The following DLGAP1 variants were observed in gnomAD, a reference collection of about 807,000 sequenced individuals.
DLGAP1 encodes DLG associated protein 1, also known as disks large-associated protein 1.
Under a neutral mutation model 90.8 loss-of-function variants are expected in DLGAP1, and 11 were observed. The ratio of observed to expected loss-of-function variants is 0.12; its 90% CI spans 0.08 to 0.20. The LOEUF is 0.20. DLGAP1 is among the 10% of genes least tolerant of loss of function. The pLI, the probability that DLGAP1 is intolerant of heterozygous loss-of-function variation, is 1.00. For synonymous variants in DLGAP1, 558 were observed against 540.7 expected, an observed-to-expected ratio of 1.03 and a Z score of -0.44; for missense variants, 1,050 against 1,333.8, an observed-to-expected ratio of 0.79 and a Z score of 3.31.
chr18:4,379,704 T>C (rs1376223192), intron 1 of DLGAP1, among the ~76,000 whole-genome samples: 1 of 152,162 alleles, frequency 6.6e-6, no homozygotes, highest in Non-Finnish European at 1.5e-5. Context: ...ATTTCTTCAA[T>C]AGTTTCTATA....
At chr18:3,762,985 G>A (rs1214236607) in intron 5 of DLGAP1, among the ~76,000 whole-genome samples, 4 of 152,182 alleles carry the variant, frequency 2.6e-5, no homozygotes, top group Non-Finnish European at 4.4e-5. Flanking sequence ...GATGCAGCCT[G>A]GGAAAGCTTT....
chr18:3,592,469 T>G (rs934457869), intron 7 of DLGAP1, among the ~76,000 whole-genome samples: 1 of 152,154 alleles, frequency 6.6e-6, no homozygotes, highest in Non-Finnish European at 1.5e-5. Flanking sequence ...TCCAGACCCG[T>G]GACATGCCAT....
chr18:4,335,963 A>C (rs2143788435), intron 1 of DLGAP1, among the ~76,000 whole-genome samples: 1 of 152,350 alleles, frequency 6.6e-6, no homozygotes, highest in Middle Eastern at 3.4e-3. Context: ...GAAACACAAG[A>C]CTATTGGTTG....
intron 7 of DLGAP1, among the ~76,000 whole-genome samples, chr18:3,591,609 G>A (rs954897032): frequency 1.3e-5 from 2 of 151,822 alleles, no homozygotes; most frequent in African/African-American, 2.4e-5. Flanking sequence ...AGGCTGGGGC[G>A]GGAGGATTGC....
rs142503961 is a variant in DLGAP1, at chr18:4,403,749, C to T, written c.-267+51257G>A. On this transcript the variant is annotated intron_variant, in intron 1 of 12. Transcript: ENST00000315677. ...CTTGGAATGGAAATAGCTTTTGATT[C>T]CTTTCTTTCTTTTTATTATGTTTTT... 2.9e-3 allele frequency among the ~76,000 whole-genome samples: 430 copies of T among 150,242 alleles called. 1 individual carries two copies. The highest frequency in any genetic ancestry group is 8.9e-3 in the African/African-American group (370 of 41,358).
intron 3 of DLGAP1, among the ~76,000 whole-genome samples, chr18:3,944,050 A>G (rs1381084792): frequency 3.3e-5 from 5 of 152,218 alleles, no homozygotes; most frequent in Non-Finnish European, 5.9e-5. Flanking sequence ...GTACTTTTTA[A>G]TGGCAGCTCT....
chr18:3,830,650 G>A (rs1161348595), intron 4 of DLGAP1, among the ~76,000 whole-genome samples: 1 of 152,092 alleles, frequency 6.6e-6, no homozygotes, highest in African/African-American at 2.4e-5. Flanking sequence ...ATTCCATAAT[G>A]CCCGGCCTTG....
intron 1 of DLGAP1, among the ~76,000 whole-genome samples, chr18:4,249,046 C>T (rs969333727): frequency 9.9e-5 from 15 of 152,196 alleles, no homozygotes; most frequent in Non-Finnish European, 2.1e-4. Flanking sequence ...CCTTGCTCAG[C>T]GAGGCTGTAC....
chr18:3,777,695 A>G (rs941668692), intron 5 of DLGAP1, among the ~76,000 whole-genome samples: 8 of 152,224 alleles, frequency 5.3e-5, no homozygotes, highest in Non-Finnish European at 1.0e-4. Context: ...GTATGTTTCA[A>G]TTCTGAAAGG....
intron 1 of DLGAP1, among the ~76,000 whole-genome samples, chr18:4,363,210 T>C (rs1022070270): frequency 5.3e-5 from 8 of 152,142 alleles, no homozygotes; most frequent in African/African-American, 1.9e-4. Flanking sequence ...TGGGCAAGGC[T>C]GCATGCACAC....
chr18:3,564,574 AT>A (rs917645075), intron 9 of DLGAP1, among the ~76,000 whole-genome samples: 7 of 151,892 alleles, frequency 4.6e-5, no homozygotes, highest in African/African-American at 1.5e-4. Flanking sequence ...GCACAAGGAG[AT>A]TTTTTTTCTC....
At chr18:4,433,296 G>A (rs2083330654) in intron 1 of DLGAP1, among the ~76,000 whole-genome samples, 1 of 152,280 alleles carries the variant, frequency 6.6e-6, no homozygotes, top group South Asian at 2.1e-4. Flanking sequence ...TGCTCTTTGG[G>A]AACATTTTCT....
intron 3 of DLGAP1, among the ~76,000 whole-genome samples, chr18:4,002,384 T>TTCCTCTCCCC (rs1424656145): frequency 2.0e-5 from 3 of 152,158 alleles, no homozygotes; most frequent in Non-Finnish European, 2.9e-5. Flanking sequence ...GATTTTCTTC[T>TTCCTCTCCCC]GCCTCTCCCC....
intron 2 of DLGAP1, among the ~76,000 whole-genome samples, chr18:4,009,131 C>T (rs1376477678): frequency 2.0e-5 from 3 of 152,194 alleles, no homozygotes. Flanking sequence ...TTTCGATCTC[C>T]TGACCTCGTG....
intron 4 of DLGAP1, among the ~76,000 whole-genome samples, chr18:3,827,979 C>T (rs1250387311): frequency 2.0e-5 from 3 of 152,288 alleles, no homozygotes; most frequent in South Asian, 4.1e-4. Flanking sequence ...TAGATGCTTG[C>T]CAAATGAATA....
chr18:3,511,569 C>T (rs1598993600), intron 10 of DLGAP1, among the ~76,000 whole-genome samples: 1 of 149,982 alleles, frequency 6.7e-6, no homozygotes, highest in Non-Finnish European at 1.5e-5. Flanking sequence ...AAAAAAAAAA[C>T]AGTTGGCTCT....
intron 1 of DLGAP1, among the ~76,000 whole-genome samples, chr18:4,354,566 G>T (rs574362264): frequency 6.6e-6 from 1 of 151,962 alleles, no homozygotes; most frequent in Non-Finnish European, 1.5e-5. Flanking sequence ...CCCATGTCAC[G>T]CAAACCTTTG....
chr18:4,018,896 G>GT (rs944870775), intron 2 of DLGAP1, among the ~76,000 whole-genome samples: 8 of 152,170 alleles, frequency 5.3e-5, no homozygotes, highest in African/African-American at 1.9e-4. Flanking sequence ...ATAAGTGAGG[G>GT]TTCCCCACTC....
intron 4 of DLGAP1, among the ~76,000 whole-genome samples, chr18:3,854,674 T>C (rs552715978): frequency 1.3e-5 from 2 of 152,336 alleles, no homozygotes; most frequent in Non-Finnish European, 2.9e-5. Flanking sequence ...TTAATACAGA[T>C]ACATGTAATT....
Sources: gnomAD v4.1 joint callset for allele counts (sites outside exome capture counted in the v4.1 genomes callset) on GRCh38, gnomAD v4.1.1 for gene constraint, MANE v1.5 for transcripts, NCBI Gene and HGNC (gene_info 2026-07-23, HGNC 2026-07-21) for gene names.